The following CLIP1 variants were observed in gnomAD, a reference collection of about 807,000 sequenced individuals.
CLIP1 encodes CAP-Gly domain-containing linker protein 1.
A neutral mutation model predicts 161.6 loss-of-function variants in CLIP1; 66 were observed. The ratio of observed to expected loss-of-function variants is 0.41; its 90% CI spans 0.33 to 0.50. The LOEUF is 0.50. Ranked by LOEUF, CLIP1 falls within the 20% of genes least tolerant of loss-of-function variation. CLIP1 has a pLI of 0.27. For synonymous variants in CLIP1, 598 were observed against 626.2 expected, an observed-to-expected ratio of 0.96 and a Z score of 0.67; for missense variants, 1,376 against 1,702.0, an observed-to-expected ratio of 0.81 and a Z score of 3.37.
At chr12:122,285,636 A>AC (rs1227969627) in intron 21 of CLIP1, among the ~76,000 whole-genome samples, 18 of 121,568 alleles carry the variant, frequency 1.5e-4, no homozygotes, top group African/African-American at 5.3e-4. Flanking sequence ...ACCGCACCCG[A>AC]CCTTTTTTTT....
Position 122,414,486 on chromosome 12 carries a change from C to T in CLIP1, c.-107+8035G>A, listed in dbSNP as rs115056601. Among the ~76,000 whole-genome samples the T allele has an allele frequency of 6.4e-3, 965 of 151,568 alleles. 6 individuals carry two copies. The highest frequency in any genetic ancestry group is 0.022 in the African/African-American group (899 of 41,378). On this transcript the variant is annotated intron_variant, in intron 1 of 25. Coordinates refer to ENST00000620786, the MANE Select transcript of CLIP1 (RefSeq NM_001247997.2). ...TTGTTTTGTTGTTTCTTTTTTGAGA[C>T]GGAGTTTCTATCTTTTTGCCCAGGC...
Position 122,353,755 on chromosome 12 carries a change from C to T in CLIP1, c.1307+698G>A, listed in dbSNP as rs574859569. Among the ~76,000 whole-genome samples, 8 of 152,184 alleles carry T rather than the reference C, an allele frequency of 5.3e-5. No homozygotes were observed. In the East Asian group the frequency reaches 1.6e-3, roughly 30 times the overall value. On this transcript the variant is annotated intron_variant, in intron 7 of 25. Transcript: ENST00000620786. ...AAGCAATTCTCCTGCCTCAGCCTCC[C>T]AAGTAGCTGGGATTACAGGCGCCCG... is the stretch of plus-strand genomic sequence containing the variant.
chr12:122,325,807 C>A (rs1011551780), intron 17 of CLIP1, among the ~76,000 whole-genome samples: 28 of 152,148 alleles, frequency 1.8e-4, no homozygotes, highest in African/African-American at 6.8e-4. Context: ...GTGTGTGCCA[C>A]CACACCCAAT....
chr12:122,404,881 C>G (rs1435842182), intron 1 of CLIP1, among the ~76,000 whole-genome samples: 5 of 140,618 alleles, frequency 3.6e-5, no homozygotes, highest in African/African-American at 2.7e-5. Flanking sequence ...GCCCGGGTGA[C>G]AGAGCGAGAC....
chr12:122,314,085 G>A (rs560178590), intron 19 of CLIP1, among the ~76,000 whole-genome samples: 5 of 152,068 alleles, frequency 3.3e-5, no homozygotes, highest in South Asian at 2.1e-4. Context: ...AAGGTCAGGC[G>A]TTCGAGTACA....
chr12:122,319,477 A>G (rs1286878927), intron 17 of CLIP1, 129 bp from the exon 18 acceptor site: 1 of 673,972 alleles, frequency 1.5e-6, no homozygotes, highest in Non-Finnish European at 2.7e-6. Flanking sequence ...GAGAGGGTGA[A>G]TCAGTCACAA....
Position 122,380,550 on chromosome 12 carries a change from G to A in CLIP1, c.-98C>T, listed in dbSNP as rs1954969441. 5 of 623,518 alleles carry A rather than the reference G, an allele frequency of 8.0e-6. No individual in the cohort carries two copies. Among genetic ancestry groups the A allele is most frequent in the South Asian group, 2.4e-5 (1 of 42,002 alleles). 38.6% of individuals were successfully genotyped at this position (623,518 alleles called of 1,614,324 possible). ...GGGTTCTATAGTGAAGTCAGTCTCTGGATTAAATCTGCAAAGAGAAAGAAA... is the reference window on the plus strand; with the variant it reads ...GGGTTCTATAGTGAAGTCAGTCTCTAGATTAAATCTGCAAAGAGAAAGAAA... On this transcript the variant is annotated 5_prime_UTR_variant, in exon 2 of 26. Coordinates refer to ENST00000620786, the MANE Select transcript of CLIP1 (RefSeq NM_001247997.2).
At chr12:122,368,521 C>T (rs1163621145) in intron 3 of CLIP1, among the ~76,000 whole-genome samples, 1 of 152,144 alleles carries the variant, frequency 6.6e-6, no homozygotes, top group African/African-American at 2.4e-5. Flanking sequence ...CTCACAGTGC[C>T]TGAGTGCATA....
intron 1 of CLIP1, among the ~76,000 whole-genome samples, chr12:122,384,755 C>T (rs1459339636): frequency 6.7e-6 from 1 of 149,462 alleles, no homozygotes; most frequent in Non-Finnish European, 1.5e-5. Flanking sequence ...AGCAAGACTC[C>T]ATCTCAAAAA....
chr12:122,359,918 G>C (rs2136555963), intron 5 of CLIP1, among the ~76,000 whole-genome samples: 2 of 152,230 alleles, frequency 1.3e-5, no homozygotes, highest in South Asian at 4.1e-4. Context: ...AACAGTATTT[G>C]CCCCACTTCT....
At chr12:122,324,285 C>T (rs1951626819) in intron 17 of CLIP1, 1 of 152,586 alleles carries the variant, frequency 6.6e-6, no homozygotes, top group Admixed American at 6.5e-5. Flanking sequence ...TCATTTCCCT[C>T]CTGAGAAAGA....
At chr12:122,421,897 G>C (rs556156358) in intron 1 of CLIP1, among the ~76,000 whole-genome samples, 2 of 152,240 alleles carry the variant, frequency 1.3e-5, no homozygotes, top group East Asian at 1.9e-4. Flanking sequence ...TCGGATTACC[G>C]GGCAGCGGTG....
chr12:122,301,131 G>C (rs1332519451), intron 20 of CLIP1, among the ~76,000 whole-genome samples: 2 of 152,146 alleles, frequency 1.3e-5, no homozygotes, highest in African/African-American at 4.8e-5. Context: ...ACAACTCAGT[G>C]AAAAGAATGC....
At position 122,377,521 on chromosome 12, in the gene CLIP1, T is replaced by A; in HGVS notation, c.525A>T (p.Ala175=). 1 of 1,614,052 alleles carries A rather than the reference T, an allele frequency of 6.2e-7. No homozygotes were observed. Among genetic ancestry groups the A allele is most frequent in the Non-Finnish European group, 8.5e-7 (1 of 1,180,026 alleles). ...SNIPQKPSQP[A]AKEPSATPPI... The stretch of plus-strand genomic sequence containing the variant: ...GAGGCGTAGCTGAAGGTTCCTTTGC[T>A]GCTGGCTGTGATGGTTTCTGAGGGA... The change falls in exon 3 of 26, where the codon GCA becomes GCT. Residue 175 remains alanine (A), a synonymous_variant. Transcript: ENST00000620786.
intron 21 of CLIP1, among the ~76,000 whole-genome samples, chr12:122,284,230 T>C (rs541821501): frequency 6.6e-6 from 1 of 152,324 alleles, no homozygotes; most frequent in South Asian, 2.1e-4. Context: ...AAGTCATCTT[T>C]ATCTATAATT....
At chr12:122,274,008 T>C (rs771098595) in intron 25 of CLIP1, 30 bp downstream of exon 25, 2 of 1,608,328 alleles carry the variant, frequency 1.2e-6, no homozygotes, top group South Asian at 1.1e-5. Context: ...GCTGGGATTA[T>C]AGCAATCAGT....
At chr12:122,415,266 G>A (rs1249284972) in intron 1 of CLIP1, among the ~76,000 whole-genome samples, 1 of 151,164 alleles carries the variant, frequency 6.6e-6, no homozygotes, top group Non-Finnish European at 1.5e-5. Flanking sequence ...CGGATCACGA[G>A]GTCAGGAGAT....
intron 3 of CLIP1, among the ~76,000 whole-genome samples, chr12:122,367,210 A>T (rs543631696): frequency 1.3e-5 from 2 of 152,230 alleles, no homozygotes; most frequent in Non-Finnish European, 2.9e-5. Flanking sequence ...CTTTGTAAAA[A>T]GTAATCACAA....
intron 11 of CLIP1, among the ~76,000 whole-genome samples, chr12:122,337,669 G>A (rs976747895): frequency 6.6e-6 from 1 of 152,076 alleles, no homozygotes; most frequent in Non-Finnish European, 1.5e-5. Flanking sequence ...AAAGCAGAAG[G>A]TGTGGATGCT....
Sources: allele counts gnomAD v4.1 joint callset (sites outside exome capture counted in the v4.1 genomes callset), GRCh38; gene constraint gnomAD v4.1.1; transcripts MANE v1.5; gene names NCBI Gene and HGNC (gene_info 2026-07-23, HGNC 2026-07-21).